RASGRF2: variants seen among roughly 807,000 people sequenced by gnomAD.
RASGRF2 encodes ras-specific guanine nucleotide-releasing factor 2.
A neutral mutation model predicts 151.0 loss-of-function variants in RASGRF2; 76 were observed. The observed-to-expected ratio is 0.50, with a 90% CI of 0.42 to 0.61. RASGRF2 has a LOEUF of 0.61. Among genes scored for constraint, RASGRF2 ranks in the 20% least tolerant of loss-of-function variants. The pLI is 0.00. For missense variants in RASGRF2, 1,148 were observed against 1,564.6 expected (o/e 0.73, Z 4.49); for synonymous variants, 504 against 566.5 (o/e 0.89, Z 1.57).
intron 17 of RASGRF2, among the ~76,000 whole-genome samples, chr5:81,169,067 T>C (rs1479473048): frequency 6.6e-6 from 1 of 152,182 alleles, no homozygotes; most frequent in Non-Finnish European, 1.5e-5. Context: ...TTAAGTACTG[T>C]TTAAATGCTG....
At chr5:81,016,611 T>C (rs576253421) in intron 1 of RASGRF2, among the ~76,000 whole-genome samples, 1 of 152,312 alleles carries the variant, frequency 6.6e-6, no homozygotes, top group South Asian at 2.1e-4. Context: ...TGAGCTGGAT[T>C]CTAAGTGGAA....
At chr5:81,087,527 T>C in intron 9 of RASGRF2, 2 of 594,242 alleles carry the variant, frequency 3.4e-6, no homozygotes, top group South Asian at 4.1e-5. Flanking sequence ...CGAAGTGTGC[T>C]TTGGGGGCAT....
intron 1 of RASGRF2, among the ~76,000 whole-genome samples, chr5:80,986,074 A>T (rs1016885574): frequency 2.0e-5 from 3 of 152,204 alleles, no homozygotes; most frequent in African/African-American, 7.2e-5. Context: ...CCTAGCTAGC[A>T]AGCAGAGCTC....
chr5:81,207,252 T>C lies in RASGRF2; in HGVS notation c.2974T>C (p.Cys992Arg). The C allele has an allele frequency of 1.2e-6, 2 of 1,614,156 alleles. No homozygotes were observed. The highest frequency in any genetic ancestry group is 1.7e-6 in the Non-Finnish European group (2 of 1,180,006). Residue 992 changes from cysteine (C) to arginine (R), a missense_variant, in exon 21 of 27, where the codon TGC becomes CGC. Coordinates refer to ENST00000265080, the MANE Select transcript of RASGRF2 (RefSeq NM_006909.3). ...CCTCCCTCATCTCTTGCAGACTGAC[T>C]GCATGAAGGCCGAATGCTTTGAGTC... ...KLEDIIQMTD[C>R]MKAECFESLS...
At position 81,122,652 on chromosome 5, in the gene RASGRF2, G is replaced by A. The variant is rs1412466945; in HGVS notation, c.2471-990G>A. Among the ~76,000 whole-genome samples the A allele has an allele frequency of 5.3e-5, 8 of 152,318 alleles. No homozygotes were observed. In the East Asian group the frequency reaches 9.6e-4, roughly 18 times the overall value. The stretch of plus-strand genomic sequence containing the variant: ...CTGACAGGATTAATGTACAATTAGT[G>A]GAGGTGACACTAAGCTGTTATCAAT... On this transcript the variant is annotated intron_variant, in intron 15 of 26. Transcript: ENST00000265080.
intron 15 of RASGRF2, among the ~76,000 whole-genome samples, chr5:81,122,752 G>A (rs2112564137): frequency 1.3e-5 from 2 of 152,300 alleles, no homozygotes; most frequent in East Asian, 3.9e-4. Flanking sequence ...ATTTTTCTCT[G>A]AAAGAACATA....
chr5:81,020,610 G>A (rs1000859122), intron 1 of RASGRF2, among the ~76,000 whole-genome samples: 1 of 152,216 alleles, frequency 6.6e-6, no homozygotes, highest in African/African-American at 2.4e-5. Flanking sequence ...CTCTCAGCCA[G>A]TGTGAGAAAA....
intron 3 of RASGRF2, 114 bp downstream of exon 3, chr5:81,068,293 C>T (rs1751828925): frequency 8.1e-7 from 1 of 1,231,740 alleles, no homozygotes; most frequent in Non-Finnish European, 1.1e-6. Flanking sequence ...CTTCCTCTGA[C>T]ATCAACACAT....
chr5:80,973,770 G>A (rs1748017861), intron 1 of RASGRF2, among the ~76,000 whole-genome samples: 1 of 152,184 alleles, frequency 6.6e-6, no homozygotes, highest in African/African-American at 2.4e-5. Flanking sequence ...TTTGGGGATA[G>A]TACATTCAAT....
intron 25 of RASGRF2, among the ~76,000 whole-genome samples, chr5:81,218,202 G>C (rs1755786641): frequency 6.6e-6 from 1 of 152,208 alleles, no homozygotes; most frequent in South Asian, 2.1e-4. Context: ...CGGTGGAAGA[G>C]GAGGTGGATA....
chr5:81,225,361 A>G (rs1397164859), intron 26 of RASGRF2, among the ~76,000 whole-genome samples: 3 of 152,174 alleles, frequency 2.0e-5, no homozygotes, highest in East Asian at 1.9e-4. Flanking sequence ...CATGGTGCCA[A>G]TTTTAGGGGG....
At chr5:81,205,596 A>G (rs1755487825) in intron 19 of RASGRF2, among the ~76,000 whole-genome samples, 1 of 152,220 alleles carries the variant, frequency 6.6e-6, no homozygotes, top group African/African-American at 2.4e-5. Context: ...TCAGAACACA[A>G]CAGAACATCA....
intron 1 of RASGRF2, among the ~76,000 whole-genome samples, chr5:80,995,255 C>CAAA (rs11369891): frequency 5.1e-5 from 6 of 118,054 alleles, no homozygotes; most frequent in Non-Finnish European, 6.7e-5. Flanking sequence ...GACTCCGTCT[C>CAAA]AAAAAAAAAA....
intron 17 of RASGRF2, among the ~76,000 whole-genome samples, chr5:81,163,078 C>A (rs1754425074): frequency 6.6e-6 from 1 of 152,166 alleles, no homozygotes; most frequent in Non-Finnish European, 1.5e-5. Context: ...GATCAGGAAG[C>A]TGCCGCTGCC....
At chr5:81,000,613 GT>G (rs939470476) in intron 1 of RASGRF2, among the ~76,000 whole-genome samples, 4 of 151,578 alleles carry the variant, frequency 2.6e-5, no homozygotes, top group East Asian at 1.9e-4. Flanking sequence ...AATAATTTAT[GT>G]TTTTTTTTCC....
intron 5 of RASGRF2, 54 bp from the exon 6 acceptor site, chr5:81,080,067 A>G: frequency 6.4e-7 from 1 of 1,556,724 alleles, no homozygotes; most frequent in Non-Finnish European, 8.6e-7. Context: ...TGGATTTTAA[A>G]CAAAATAAAC....
At chr5:81,040,754 T>C (rs1052513933) in intron 1 of RASGRF2, among the ~76,000 whole-genome samples, 5 of 152,226 alleles carry the variant, frequency 3.3e-5, no homozygotes, top group African/African-American at 4.8e-5. Flanking sequence ...CTGCTTTAGC[T>C]TGATGTATGT....
chr5:81,114,655 C>T (rs1233606234), intron 15 of RASGRF2, among the ~76,000 whole-genome samples: 3 of 152,198 alleles, frequency 2.0e-5, no homozygotes, highest in Admixed American at 6.5e-5. Flanking sequence ...GCTCCTGCCA[C>T]GCTCCCTCAT....
intron 18 of RASGRF2, among the ~76,000 whole-genome samples, chr5:81,198,956 T>C (rs1056426759): frequency 6.6e-6 from 1 of 152,246 alleles, no homozygotes; most frequent in Admixed American, 6.5e-5. Context: ...ATGGTAGTTC[T>C]ATTTTTAGTT....
Sources: gnomAD v4.1 joint callset for allele counts (sites outside exome capture counted in the v4.1 genomes callset) on GRCh38, gnomAD v4.1.1 for gene constraint, MANE v1.5 for transcripts, NCBI Gene and HGNC (gene_info 2026-07-23, HGNC 2026-07-21) for gene names.